The following LYRM4 variants were observed in gnomAD, a reference collection of about 807,000 sequenced individuals.
The protein encoded by LYRM4 is LYR motif containing 4.
In LYRM4, 9 loss-of-function variants were observed where a neutral mutation model predicts 11.7. The ratio of observed to expected loss-of-function variants is 0.77; its 90% CI spans 0.46 to 1.34. LYRM4 has a LOEUF of 1.34. Ranked by LOEUF, LYRM4 falls within the 40% of genes most tolerant of loss-of-function variation. The pLI is 0.00. For missense variants in LYRM4, 133 were observed against 112.5 expected, an observed-to-expected ratio of 1.18 and a Z score of -0.82; for synonymous variants, 42 against 40.4, an observed-to-expected ratio of 1.04 and a Z score of -0.15.
intron 2 of LYRM4, among the ~76,000 whole-genome samples, chr6:5,112,327 G>C (rs551078305): frequency 6.6e-6 from 1 of 152,202 alleles, no homozygotes; most frequent in African/African-American, 2.4e-5. Flanking sequence ...CCTGGGCCTC[G>C]CACAGTCCTG....
intron 2 of LYRM4, among the ~76,000 whole-genome samples, chr6:5,210,144 C>A (rs1459664331): frequency 6.6e-6 from 1 of 152,146 alleles, no homozygotes; most frequent in Non-Finnish European, 1.5e-5. Flanking sequence ...CTTTGTTCAT[C>A]TGCAGCCTAA....
At chr6:5,242,732 A>G (rs1581587075) in intron 1 of LYRM4, among the ~76,000 whole-genome samples, 1 of 150,156 alleles carries the variant, frequency 6.7e-6, no homozygotes, top group Admixed American at 6.6e-5. Context: ...AACAACAACA[A>G]CAGCAACAAC....
chr6:5,119,835 G>A lies in LYRM4; in HGVS notation c.208-10344C>T, dbSNP rs191759136. Among the ~76,000 whole-genome samples, 517 of 147,810 alleles carry A rather than the reference G, an allele frequency of 3.5e-3. 3 individuals are homozygous for A. Among genetic ancestry groups the A allele is most frequent in the African/African-American group, 0.013 (507 of 39,278 alleles). On this transcript the variant is annotated intron_variant, in intron 2 of 2. Transcript: ENST00000330636. ...AAAAAAAAAAACAACCACAAAAAAG[G>A]CCCACCATGTGATGGTCTCTTTCTG...
chr6:5,163,954 A>C (rs1472616180), intron 2 of LYRM4, among the ~76,000 whole-genome samples: 1 of 152,188 alleles, frequency 6.6e-6, no homozygotes, highest in Non-Finnish European at 1.5e-5. Context: ...CAACTTTATA[A>C]CATTGAGTAT....
chr6:5,171,930 C>A (rs1177275003), intron 2 of LYRM4, among the ~76,000 whole-genome samples: 5 of 152,174 alleles, frequency 3.3e-5, no homozygotes, highest in African/African-American at 9.7e-5. Context: ...GGACAGAACA[C>A]TGTAAATCAC....
At chr6:5,052,527 C>T in the LYRM4 span, among the ~76,000 whole-genome samples, 10 of 152,168 alleles carry the variant, frequency 6.6e-5, no homozygotes, top group African/African-American at 2.2e-4. Flanking sequence ...CTCCTGGCCT[C>T]AAGTGATTGT....
At chr6:5,185,148 T>C (rs1760313335) in intron 2 of LYRM4, among the ~76,000 whole-genome samples, 2 of 152,208 alleles carry the variant, frequency 1.3e-5, no homozygotes, top group African/African-American at 2.4e-5. Flanking sequence ...CTTGTTACCA[T>C]GAATCCCAAT....
At chr6:5,043,384 A>G in the LYRM4 span, 1 of 152,104 alleles carries the variant, frequency 6.6e-6, no homozygotes, top group Non-Finnish European at 1.5e-5. Context: ...GCTGGCCTAC[A>G]AGGACTCCTT....
chr6:5,099,287 C>A (rs1762427528), downstream of LYRM4, among the ~76,000 whole-genome samples: 2 of 151,688 alleles, frequency 1.3e-5, no homozygotes. This position sits in a 1 kb window ranked among gnomAD's most constrained non-coding sequence, Gnocchi z 4.3. Context: ...ACTGCAACCT[C>A]CACCTCCTGG....
chr6:5,094,063 A>C, the LYRM4 span, among the ~76,000 whole-genome samples: 858 of 152,344 alleles, frequency 5.6e-3, 8 homozygotes, highest in African/African-American at 0.02. Context: ...CTCCTTTATC[A>C]GCTACACAGC....
chr6:5,186,727 T>G (rs1760416462), intron 2 of LYRM4: 1 of 1,000,844 alleles, frequency 1.0e-6, no homozygotes, highest in Non-Finnish European at 1.2e-6. Flanking sequence ...TTCACACCTG[T>G]AATCCCAGCA....
intron 2 of LYRM4, among the ~76,000 whole-genome samples, chr6:5,131,380 CAT>C (rs1362302765): frequency 1.3e-5 from 2 of 152,172 alleles, no homozygotes; most frequent in African/African-American, 2.4e-5. Flanking sequence ...AATACACACA[CAT>C]GTATCTCAGA....
intron 2 of LYRM4, chr6:5,132,704 T>A (rs534613091): frequency 7.9e-5 from 12 of 151,796 alleles, no homozygotes; most frequent in Admixed American, 5.9e-4. Context: ...TTGGATCACA[T>A]AAGTGGAACT....
intron 2 of LYRM4, among the ~76,000 whole-genome samples, chr6:5,121,190 T>G (rs1364783946): frequency 2.6e-5 from 4 of 152,164 alleles, no homozygotes; most frequent in African/African-American, 9.7e-5. Context: ...CCAGGTGTAC[T>G]TTGGGTACAT....
At chr6:5,158,529 T>G (rs1239472092) in intron 2 of LYRM4, among the ~76,000 whole-genome samples, 1 of 149,372 alleles carries the variant, frequency 6.7e-6, no homozygotes, top group Non-Finnish European at 1.5e-5. Flanking sequence ...CAGGCTGGAG[T>G]GCAGTGGTGC....
At chr6:5,189,343 T>C (rs904799387) in intron 2 of LYRM4, among the ~76,000 whole-genome samples, 1 of 150,040 alleles carries the variant, frequency 6.7e-6, no homozygotes, top group Non-Finnish European at 1.5e-5. Context: ...GGTTAGTGGT[T>C]AGCCTAAGGT....
chr6:5,081,464 A>G, the LYRM4 span, among the ~76,000 whole-genome samples: 26 of 152,164 alleles, frequency 1.7e-4, no homozygotes, highest in Non-Finnish European at 4.4e-5. Flanking sequence ...TTGGCTTCTG[A>G]GAACAACCCT....
At chr6:5,085,558 G>C in the LYRM4 span, 1 of 1,542,336 alleles carries the variant, frequency 6.5e-7, no homozygotes, top group Non-Finnish European at 8.7e-7. Flanking sequence ...CCCGCCGGCC[G>C]AGGAGCTGCC....
intron 2 of LYRM4, chr6:5,136,725 G>A (rs1163460953): frequency 5.1e-6 from 5 of 985,222 alleles, no homozygotes; most frequent in Non-Finnish European, 6.0e-6. Flanking sequence ...ATGCTAAACC[G>A]CCCCAAGGAG....
Sources: gnomAD v4.1 joint callset for allele counts (sites outside exome capture counted in the v4.1 genomes callset) on GRCh38, gnomAD v4.1.1 for gene constraint, Gnocchi (gnomAD v3.1) non-coding constraint, MANE v1.5 for transcripts, NCBI Gene and HGNC (gene_info 2026-07-23, HGNC 2026-07-21) for gene names.